The following PCDH15 variants were observed in gnomAD, a reference collection of about 807,000 sequenced individuals.
PCDH15 encodes the protein protocadherin related 15.
Under a neutral mutation model 178.5 loss-of-function variants are expected in PCDH15, and 129 were observed. The observed-to-expected ratio is 0.72, with a 90% confidence interval of 0.63 to 0.84. The LOEUF is 0.84. Ranked by LOEUF, PCDH15 falls within the 40% of genes least tolerant of loss-of-function variation. The pLI, the probability that PCDH15 is intolerant of heterozygous loss-of-function variation, is 0.00. For synonymous variants in PCDH15, 800 were observed against 732.0 expected (o/e 1.09, Z -1.50); for missense variants, 2,230 against 2,099.9 (o/e 1.06, Z -1.21).
intron 3 of PCDH15, among the ~76,000 whole-genome samples, chr10:54,421,690 A>ATATATATATATATATATATATG (rs1301759947): frequency 1.8e-5 from 2 of 110,940 alleles, no homozygotes; most frequent in Admixed American, 8.9e-5. Context: ...ATATATATAT[A>ATATATATATATATATATATATG]TATACACACA....
chr10:54,778,531 A>G (rs1304483322), intron 1 of PCDH15, among the ~76,000 whole-genome samples: 1 of 152,174 alleles, frequency 6.6e-6, no homozygotes, highest in Non-Finnish European at 1.5e-5. Context: ...AAATTTTATA[A>G]AGTCAGGTTT....
chr10:53,932,649 TC>T (rs1411565851), intron 25 of PCDH15, among the ~76,000 whole-genome samples: 16 of 152,286 alleles, frequency 1.1e-4, no homozygotes, highest in African/African-American at 3.8e-4. Flanking sequence ...AAAGGAATAC[TC>T]ATACAAAGTC....
At chr10:53,871,091 T>C (rs965100219) in intron 26 of PCDH15, among the ~76,000 whole-genome samples, 2 of 151,656 alleles carry the variant, frequency 1.3e-5, no homozygotes, top group Admixed American at 6.6e-5. Context: ...CTCAGCACTT[T>C]AGGAGGCTGA....
At chr10:54,334,704 C>T (rs1414788735) in intron 6 of PCDH15, among the ~76,000 whole-genome samples, 1 of 151,278 alleles carries the variant, frequency 6.6e-6, no homozygotes, top group Non-Finnish European at 1.5e-5. Context: ...CACACACACA[C>T]ACACACACAC....
At chr10:54,302,813 C>T (rs944765884) in intron 8 of PCDH15, among the ~76,000 whole-genome samples, 3 of 152,012 alleles carry the variant, frequency 2.0e-5, no homozygotes, top group Non-Finnish European at 4.4e-5. Flanking sequence ...AGAAATTTTA[C>T]AACTTTATTT....
chr10:55,437,345 C>G (rs1839065907), intron 2 of PCDH15, among the ~76,000 whole-genome samples: 1 of 152,244 alleles, frequency 6.6e-6, no homozygotes, highest in South Asian at 2.1e-4. Context: ...ACAGCTTACA[C>G]CCAGAAGGTT....
intron 3 of PCDH15, among the ~76,000 whole-genome samples, chr10:54,467,935 G>A (rs1279987283): frequency 2.6e-5 from 4 of 151,512 alleles, no homozygotes; most frequent in Non-Finnish European, 5.9e-5. Context: ...TTTTTTCTAG[G>A]CTTTCAAATT....
At chr10:55,177,013 G>A (rs1026666410) in intron 1 of PCDH15, among the ~76,000 whole-genome samples, 1 of 152,054 alleles carries the variant, frequency 6.6e-6, no homozygotes, top group Non-Finnish European at 1.5e-5. Context: ...TCTCAGGAGG[G>A]GTATAAGGCT....
chr10:55,621,499 G>C (rs1203795668), intron 2 of PCDH15, among the ~76,000 whole-genome samples: 1 of 152,152 alleles, frequency 6.6e-6, no homozygotes, highest in Non-Finnish European at 1.5e-5. Flanking sequence ...GAAAGGTAAT[G>C]GTGGGTGGCA....
intron 14 of PCDH15, among the ~76,000 whole-genome samples, chr10:54,142,403 C>A (rs980268991): frequency 4.6e-5 from 7 of 152,054 alleles, no homozygotes; most frequent in African/African-American, 1.7e-4. Context: ...TCAAAATGAA[C>A]TGCTTTCATG....
chr10:54,887,923 T>C (rs1954388378), intron 3 of PCDH15, among the ~76,000 whole-genome samples: 1 of 152,178 alleles, frequency 6.6e-6, no homozygotes. Flanking sequence ...TGTCATATTC[T>C]GCTCTCCCAC....
intron 2 of PCDH15, among the ~76,000 whole-genome samples, chr10:55,397,651 C>T (rs1032963080): frequency 6.6e-6 from 1 of 151,980 alleles, no homozygotes; most frequent in Non-Finnish European, 1.5e-5. Context: ...GGCGTGATCT[C>T]GGCTCACTGC....
intron 26 of PCDH15, among the ~76,000 whole-genome samples, chr10:53,878,928 G>A (rs765062626): frequency 4.6e-5 from 7 of 152,130 alleles, no homozygotes; most frequent in African/African-American, 7.2e-5. Context: ...TTTGTAAAAT[G>A]AGGAAAATAG....
rs188046781 is a variant in PCDH15, at chr10:54,086,198, G to A, written c.1997+3786C>T. 2.2e-3 allele frequency among the ~76,000 whole-genome samples: 338 copies of A among 152,230 alleles called. 3 individuals are homozygous for A. The highest frequency in any genetic ancestry group is 7.7e-3 in the African/African-American group (318 of 41,550). On this transcript the variant is annotated intron_variant, in intron 16 of 37. Coordinates refer to ENST00000644397, the MANE Select transcript of PCDH15 (RefSeq NM_001384140.1). The stretch of plus-strand genomic sequence containing the variant: ...AGGGGCTGAGAGTACTTCCACTCAT[G>A]GCCAAAGGTGAAGGGGTGCTGGTGT...
chr10:54,341,742 C>A (rs1402449163), intron 6 of PCDH15, among the ~76,000 whole-genome samples: 1 of 152,114 alleles, frequency 6.6e-6, no homozygotes, highest in East Asian at 1.9e-4. Flanking sequence ...GATAGTGATA[C>A]GGACAATGAA....
At chr10:54,856,650 T>C (rs918286383) in intron 3 of PCDH15, among the ~76,000 whole-genome samples, 1 of 152,182 alleles carries the variant, frequency 6.6e-6, no homozygotes, top group Non-Finnish European at 1.5e-5. Context: ...CCCTGGCTTG[T>C]TAATTAATTT....
At chr10:55,602,942 G>A (rs1843122381) in intron 2 of PCDH15, among the ~76,000 whole-genome samples, 1 of 152,146 alleles carries the variant, frequency 6.6e-6, no homozygotes, top group South Asian at 2.1e-4. Context: ...ATTACTCTGA[G>A]CTACGGGAGG....
intron 1 of PCDH15, among the ~76,000 whole-genome samples, chr10:55,169,280 T>C (rs148915852): frequency 6.6e-5 from 10 of 152,312 alleles, no homozygotes; most frequent in African/African-American, 2.4e-4. Context: ...GTATATATAT[T>C]TGAAAACGTC....
chr10:54,617,922 C>CA (rs3071002), intron 2 of PCDH15, among the ~76,000 whole-genome samples: 2,539 of 125,040 alleles, frequency 0.02, 28 homozygotes, highest in East Asian at 0.048. Flanking sequence ...GACTCCATTT[C>CA]AAAAAAAAAA....
Sources: allele counts gnomAD v4.1 joint callset (sites outside exome capture counted in the v4.1 genomes callset), GRCh38; gene constraint gnomAD v4.1.1; transcripts MANE v1.5; gene names NCBI Gene and HGNC (gene_info 2026-07-23, HGNC 2026-07-21).